Variants in CCDC88A observed in about 807,000 individuals in gnomAD.
CCDC88A encodes girdin.
A neutral mutation model predicts 234.3 loss-of-function variants in CCDC88A; 54 were observed. That is an observed-to-expected ratio of 0.23 (90% CI 0.19 to 0.29). The LOEUF (loss-of-function observed/expected upper bound fraction) is 0.29, where lower values mean the gene tolerates loss of function less well. Among genes scored for constraint, CCDC88A ranks in the 10% least tolerant of loss-of-function variants. The pLI is 1.00. For synonymous variants in CCDC88A, 753 were observed against 737.8 expected (o/e 1.02, Z -0.33); for missense variants, 1,832 against 2,123.4 (o/e 0.86, Z 2.70).
chr2:55,303,478 C>T (rs759206382), intron 25 of CCDC88A, among the ~76,000 whole-genome samples: 16 of 151,532 alleles, frequency 1.1e-4, no homozygotes, highest in Admixed American at 2.0e-4. Flanking sequence ...CTGCAACCTC[C>T]GCCTGCGATT....
At chr2:55,352,329 C>A (rs778956513) in intron 8 of CCDC88A, among the ~76,000 whole-genome samples, 12 of 151,798 alleles carry the variant, frequency 7.9e-5, no homozygotes, top group African/African-American at 2.7e-4. Context: ...ACTCAGGAGG[C>A]TGAGGCAGAA....
rs1679986321 is a variant in CCDC88A at position 55,296,004 on chromosome 2, G to A, written c.5144C>T (p.Ser1715Phe). 1 of 1,609,048 alleles carries A rather than the reference G, an allele frequency of 6.2e-7. No homozygotes were observed. The highest frequency in any genetic ancestry group is 1.1e-5 in the South Asian group (1 of 89,668). Residue 1715 changes from serine (S) to phenylalanine (F), a missense_variant, in exon 31 of 33, where the codon TCT becomes TTT. Around this residue, in one of 6 missense-constraint regions of CCDC88A, gnomAD observed 422 missense variants for 416.5 expected, o/e 1.01. Coordinates refer to ENST00000436346, the MANE Select transcript of CCDC88A (RefSeq NM_001365480.1). ...TTTTCCCAAAAAGTCAGAAGAGACA[G>A]ACAAACTTTTCATTACTTCATCTAA... The part of the protein sequence containing the change: ...NLLDEVMKSL[S>F]VSSDFLGKDK...
chr2:55,385,853 A>T (rs1474892271), intron 3 of CCDC88A, among the ~76,000 whole-genome samples: 1,167 of 5,530 alleles, frequency 0.21, 262 homozygotes, highest in Admixed American at 0.35. Context: ...ACTCCATGTC[A>T]AAAAAAAAAA....
At chr2:55,398,733 T>G (rs1678055734) in intron 2 of CCDC88A, among the ~76,000 whole-genome samples, 1 of 151,982 alleles carries the variant, frequency 6.6e-6, no homozygotes, top group Non-Finnish European at 1.5e-5. Flanking sequence ...GGCAACACAG[T>G]GAAACCTCAT....
Position 55,393,164 on chromosome 2 carries a change from G to GT in CCDC88A, c.165-4279dup, listed in dbSNP as rs201592023. On this transcript the variant is annotated intron_variant, in intron 2 of 32. Coordinates refer to ENST00000436346, the MANE Select transcript of CCDC88A (RefSeq NM_001365480.1). Reference sequence around the variant, plus strand: ...CCCCACAGAACTCTTACATATTTAAGTTTTTTTTTCTTACTTGGGTAAGAA... The same window carrying GT: ...CCCCACAGAACTCTTACATATTTAAGTTTTTTTTTTCTTACTTGGGTAAGAA... Among the ~76,000 whole-genome samples, 340 of 146,908 alleles carry GT rather than the reference G, an allele frequency of 2.3e-3. 3 individuals carry two copies. In the East Asian group the frequency reaches 0.033, roughly 14 times the overall value.
intron 2 of CCDC88A, among the ~76,000 whole-genome samples, chr2:55,408,528 G>A (rs949305571): frequency 2.0e-5 from 3 of 152,134 alleles, no homozygotes; most frequent in African/African-American, 7.2e-5. Context: ...TGACAAGAGT[G>A]TCCTCTGGTT....
intron 28 of CCDC88A, chr2:55,300,234 T>G: frequency 3.2e-6 from 1 of 307,852 alleles, no homozygotes; most frequent in South Asian, 3.2e-5. Flanking sequence ...CCCAAAATGC[T>G]ATTGATTGGG....
chr2:55,364,223 G>A, intron 5 of CCDC88A, 190 bp from the exon 6 acceptor site: 1 of 423,698 alleles, frequency 2.4e-6, no homozygotes. Flanking sequence ...TAAAAAGCAA[G>A]GCACTGAAAA....
At chr2:55,319,067 A>T in intron 18 of CCDC88A, 63 bp from the exon 19 acceptor site, 1 of 1,330,208 alleles carries the variant, frequency 7.5e-7, no homozygotes, top group East Asian at 2.3e-5. Context: ...ATATGTTTCT[A>T]TAGTATACTG....
chr2:55,417,106 T>C (rs1681619808), intron 2 of CCDC88A: 2 of 151,990 alleles, frequency 1.3e-5, no homozygotes, highest in Non-Finnish European at 2.9e-5. Context: ...AAAATATACA[T>C]ATATTTTTTA....
chr2:55,344,343 A>G (rs544314813), intron 11 of CCDC88A, 25 bp downstream of exon 11: 2 of 1,513,466 alleles, frequency 1.3e-6, no homozygotes, highest in East Asian at 2.4e-5. Flanking sequence ...AAGGCCATGT[A>G]ACTGATCTAC....
chr2:55,367,528 G>GTTTTTTTTTTTTTTTTGTTT lies in CCDC88A; in HGVS notation c.403-3496_403-3495insAAACAAAAAAAAAAAAAAAA. On this transcript the variant is annotated intron_variant, in intron 5 of 32. Coordinates refer to ENST00000436346, the MANE Select transcript of CCDC88A (RefSeq NM_001365480.1). ...TTGCTAGAAATTGTTTTATTTCCTT[G>GTTTTTTTTTTTTTTTTGTTT]TTTTTTTTTAAGAGACTGGGTCTTG... Among the ~76,000 whole-genome samples, 280 of 99,860 alleles carry GTTTTTTTTTTTTTTTTGTTT rather than the reference G, an allele frequency of 2.8e-3. 6 individuals are homozygous for GTTTTTTTTTTTTTTTTGTTT. Among genetic ancestry groups the GTTTTTTTTTTTTTTTTGTTT allele is most frequent in the Non-Finnish European group, 4.3e-3 (222 of 51,134 alleles). The allele number at this position is 99,860 out of a possible 152,430, so 65.5% of individuals were successfully genotyped here.
Position 55,299,812 on chromosome 2 carries a change from G to A in CCDC88A, c.4825+27C>T, listed in dbSNP as rs373268642. 118 of 1,420,926 alleles carry A rather than the reference G, an allele frequency of 8.3e-5. 1 individual carries two copies. The highest frequency in any genetic ancestry group is 1.5e-4 in the African/African-American group (11 of 71,244). The allele number at this position is 1,420,926 out of a possible 1,614,324, so 88.0% of individuals were successfully genotyped here. A position where few individuals can be genotyped will look rare whatever the true frequency, so the allele number is the denominator to read the frequency against. ...TTTAAATACTGGAAATGGATAGAGC[G>A]CATTAATAAATTTACCTACAGCATA... On this transcript the variant is annotated intron_variant, in intron 29 of 32. Transcript: ENST00000436346.
At position 55,301,257 on chromosome 2, in the gene CCDC88A, T is replaced by C. The variant is rs544349538; in HGVS notation, c.4693A>G (p.Ile1565Val). Residue 1565 changes from isoleucine to valine, a missense_variant, in exon 28 of 33, where the codon ATA becomes GTA. Transcript: ENST00000436346. ...TCATCACTAACACCTTGTGGACTTA[T>C]GTCTTCAAAGGATGTAGTATCTACA... Reference protein sequence around the residue: ...NNKDTTSFEDISPQGVSDDSS... With the variant: ...NNKDTTSFEDVSPQGVSDDSS... 36 of 1,591,408 alleles carry C rather than the reference T, an allele frequency of 2.3e-5. No homozygotes were observed. Among genetic ancestry groups the C allele is most frequent in the South Asian group, 1.9e-4 (17 of 88,704 alleles).
At chr2:55,394,554 T>C (rs1677193437) in intron 2 of CCDC88A, 2 of 150,216 alleles carry the variant, frequency 1.3e-5, no homozygotes, top group African/African-American at 4.9e-5. Flanking sequence ...ACCAACAGTG[T>C]AAAAGTGTTC....
intron 3 of CCDC88A, among the ~76,000 whole-genome samples, chr2:55,388,273 G>A (rs188017116): frequency 2.0e-5 from 3 of 152,222 alleles, no homozygotes; most frequent in East Asian, 1.9e-4. Context: ...TAAGTAACTC[G>A]TAAGTGAAAT....
intron 7 of CCDC88A, among the ~76,000 whole-genome samples, chr2:55,361,469 C>A (rs1296281775): frequency 6.6e-6 from 1 of 152,034 alleles, no homozygotes; most frequent in Non-Finnish European, 1.5e-5. Context: ...ATTGAAAATT[C>A]ACATCAGAAC....
At chr2:55,321,096 G>A (rs1451684115) in intron 18 of CCDC88A, 10 of 144,464 alleles carry the variant, frequency 6.9e-5, no homozygotes, top group African/African-American at 2.6e-4. Context: ...GGAGATGAGT[G>A]AGACCCTGTC....
At chr2:55,313,911 T>TA (rs1682648554) in intron 22 of CCDC88A, 1 of 152,222 alleles carries the variant, frequency 6.6e-6, no homozygotes. Context: ...GTAGATTCAT[T>TA]AAAAAACTGA....
Sources: allele counts gnomAD v4.1 joint callset (sites outside exome capture counted in the v4.1 genomes callset), GRCh38; gene constraint gnomAD v4.1.1; regional missense constraint gnomAD v4.1.1; transcripts MANE v1.5; gene names NCBI Gene and HGNC (gene_info 2026-07-23, HGNC 2026-07-21).